Variants in CACNG2 observed in about 807,000 individuals in gnomAD.
CACNG2 encodes calcium voltage-gated channel auxiliary subunit gamma 2.
Under a neutral mutation model 25.9 loss-of-function variants are expected in CACNG2, and 3 were observed. That is an observed-to-expected ratio of 0.12 (90% CI 0.05 to 0.30). The LOEUF is 0.30. Ranked by LOEUF, CACNG2 falls within the 10% of genes least tolerant of loss-of-function variation. The pLI is 1.00. For missense variants in CACNG2, 341 were observed against 432.5 expected (o/e 0.79, Z 1.88); for synonymous variants, 167 against 173.3 (o/e 0.96, Z 0.29).
At chr22:36,672,508 G>C (rs73884132) in intron 1 of CACNG2, among the ~76,000 whole-genome samples, 3,747 of 152,260 alleles carry the variant, frequency 0.025, 168 homozygotes, top group African/African-American at 0.085. Context: ...AGGCACTGAG[G>C]ATTCTCACAC....
intron 1 of CACNG2, among the ~76,000 whole-genome samples, chr22:36,694,880 C>T (rs1937314689): frequency 6.6e-6 from 1 of 152,138 alleles, no homozygotes; most frequent in Admixed American, 6.5e-5. Context: ...GCCTAAGAAA[C>T]CACTGTATTC....
chr22:36,676,099 C>T (rs560692260), intron 1 of CACNG2, among the ~76,000 whole-genome samples: 5 of 152,296 alleles, frequency 3.3e-5, no homozygotes, highest in South Asian at 4.1e-4. Flanking sequence ...CCCCACCCCT[C>T]GTGGAGCAGG....
chr22:36,671,948 G>A (rs957838481), intron 1 of CACNG2, among the ~76,000 whole-genome samples: 2 of 152,128 alleles, frequency 1.3e-5, no homozygotes, highest in African/African-American at 4.8e-5. Flanking sequence ...TTAGAGATTA[G>A]GACTGAGGAT....
intron 1 of CACNG2, among the ~76,000 whole-genome samples, chr22:36,596,318 G>A (rs905801824): frequency 1.3e-5 from 2 of 152,234 alleles, no homozygotes; most frequent in Non-Finnish European, 2.9e-5. Context: ...GGTGGGCCAT[G>A]CCTGGCTTGT....
At chr22:36,641,069 G>A (rs1936436369) in intron 1 of CACNG2, among the ~76,000 whole-genome samples, 1 of 152,086 alleles carries the variant, frequency 6.6e-6, no homozygotes, top group Admixed American at 6.5e-5. Context: ...TTTCTTCAGG[G>A]CTCTGTTCAA....
intron 1 of CACNG2, among the ~76,000 whole-genome samples, chr22:36,671,957 A>C (rs1022861978): frequency 4.6e-5 from 7 of 152,190 alleles, no homozygotes; most frequent in Non-Finnish European, 1.0e-4. Context: ...AGGACTGAGG[A>C]TAGGAACAGG....
At chr22:36,566,628 A>G (rs1935132524) in intron 2 of CACNG2, 135 bp from the exon 3 acceptor site, 1 of 958,570 alleles carries the variant, frequency 1.0e-6, no homozygotes, top group African/African-American at 1.6e-5. Flanking sequence ...TTGCTTTGCA[A>G]TCCTAGGGAG....
At chr22:36,607,837 G>T (rs931027952) in intron 1 of CACNG2, among the ~76,000 whole-genome samples, 46 of 152,252 alleles carry the variant, frequency 3.0e-4, no homozygotes, top group Non-Finnish European at 1.8e-4. Flanking sequence ...CTCTGACTCT[G>T]CCATCATGCT....
chr22:36,669,028 G>T (rs1335466454), intron 1 of CACNG2, among the ~76,000 whole-genome samples: 1 of 152,160 alleles, frequency 6.6e-6, no homozygotes, highest in Non-Finnish European at 1.5e-5. Context: ...TCTTCCGGAA[G>T]TGCCCTCCCA....
At chr22:36,695,126 G>T (rs1260615581) in intron 1 of CACNG2, among the ~76,000 whole-genome samples, 2 of 152,062 alleles carry the variant, frequency 1.3e-5, no homozygotes, top group Non-Finnish European at 2.9e-5. Flanking sequence ...TGGGGCGGGA[G>T]GATCACTCGA....
chr22:36,654,298 C>A (rs1016243555), intron 1 of CACNG2, among the ~76,000 whole-genome samples: 4 of 152,088 alleles, frequency 2.6e-5, no homozygotes, highest in African/African-American at 9.7e-5. Flanking sequence ...GACAAGGTCT[C>A]ACTCTCACCC....
chr22:36,615,637 T>C (rs752820929), intron 1 of CACNG2, among the ~76,000 whole-genome samples: 4 of 152,260 alleles, frequency 2.6e-5, no homozygotes, highest in Non-Finnish European at 5.9e-5. Context: ...CACATTTTTA[T>C]TTATTTTTAT....
chr22:36,569,292 A>C (rs1197787607), intron 2 of CACNG2, among the ~76,000 whole-genome samples: 2 of 152,108 alleles, frequency 1.3e-5, no homozygotes, highest in African/African-American at 4.8e-5. Flanking sequence ...TGAGGTTCAG[A>C]GAGAGAAACT....
chr22:36,703,320 A>G lies in CACNG2; in HGVS notation c.-744T>C, dbSNP rs1341011319. On this transcript the variant is annotated 5_prime_UTR_variant, in exon 1 of 4. Transcript: ENST00000300105. ...AGCAGGACGAGCAGCGGCGGCGGTT[A>G]TTGTTGTTGGTGGCGGGGGTAGTGT... 1 of 120,198 alleles carries G rather than the reference A, an allele frequency of 8.3e-6. No homozygotes were observed. Among genetic ancestry groups the G allele is most frequent in the Non-Finnish European group, 1.7e-5 (1 of 59,578 alleles). 7.4% of individuals were successfully genotyped at this position (120,198 alleles called of 1,614,324 possible).
At chr22:36,688,247 ATGT>A (rs1937225664) in intron 1 of CACNG2, among the ~76,000 whole-genome samples, 1 of 152,144 alleles carries the variant, frequency 6.6e-6, no homozygotes, top group Admixed American at 6.5e-5. Flanking sequence ...TTAAATGATA[ATGT>A]TAGCTGAAAT....
chr22:36,569,909 A>G (rs1935195793), intron 2 of CACNG2, among the ~76,000 whole-genome samples: 1 of 152,186 alleles, frequency 6.6e-6, no homozygotes, highest in South Asian at 2.1e-4. Context: ...AAGGGGAATG[A>G]CAGAAGAGAG....
chr22:36,702,867 AT>A lies in CACNG2; in HGVS notation c.-292del, dbSNP rs1262317032. ...TTTTAAAAAGAAAAGGAAAAAAAAA[AT>A]AAAAAGACACCCCCCACCCCCCCAA... On this transcript the variant is annotated 5_prime_UTR_variant, in exon 1 of 4. Coordinates refer to ENST00000300105, the MANE Select transcript of CACNG2 (RefSeq NM_006078.5). The A allele has an allele frequency of 1.7e-5, 5 of 295,338 alleles. No homozygotes were observed. The Admixed American group carries it at 1.9e-4, about 11-fold the overall frequency. The allele number at this position is 295,338 out of a possible 1,614,324, so 18.3% of individuals were successfully genotyped here.
chr22:36,578,163 A>C (rs1029127022), intron 2 of CACNG2, among the ~76,000 whole-genome samples: 19 of 151,936 alleles, frequency 1.3e-4, no homozygotes, highest in African/African-American at 4.6e-4. Context: ...GGAGTTTGAG[A>C]CCAACCTGGC....
At chr22:36,614,678 C>A (rs752061564) in intron 1 of CACNG2, among the ~76,000 whole-genome samples, 23 of 152,102 alleles carry the variant, frequency 1.5e-4, no homozygotes, top group Non-Finnish European at 2.9e-4. Flanking sequence ...GTGGGAGCAG[C>A]AAGTGGTGAG....
Sources: gnomAD v4.1 joint callset for allele counts (sites outside exome capture counted in the v4.1 genomes callset) on GRCh38, gnomAD v4.1.1 for gene constraint, MANE v1.5 for transcripts, NCBI Gene and HGNC (gene_info 2026-07-23, HGNC 2026-07-21) for gene names.